ITGB4: variants seen among roughly 807,000 people sequenced by gnomAD.
ITGB4 encodes integrin subunit beta 4.
Under a neutral mutation model 207.6 loss-of-function variants are expected in ITGB4, and 159 were observed. That is an observed-to-expected ratio of 0.77 (90% CI 0.67 to 0.87). The LOEUF (loss-of-function observed/expected upper bound fraction) is 0.87, where lower values mean the gene tolerates loss of function less well. Among genes scored for constraint, ITGB4 ranks in the 40% least tolerant of loss-of-function variants. ITGB4 has a pLI of 0.00. For missense variants in ITGB4, 2,278 were observed against 2,546.8 expected (o/e 0.89, Z 2.27); for synonymous variants, 1,020 against 1,062.7 (o/e 0.96, Z 0.78).
At chr17:75,737,184 C>A in intron 16 of ITGB4, 138 bp from the exon 17 acceptor site, 1 of 1,122,288 alleles carries the variant, frequency 8.9e-7, no homozygotes, top group Non-Finnish European at 1.3e-6. Flanking sequence ...CACGGCTTTG[C>A]AAGGACTTCC....
At chr17:75,721,858 G>T (rs1373408057) in intron 1 of ITGB4, among the ~76,000 whole-genome samples, 1 of 152,226 alleles carries the variant, frequency 6.6e-6, no homozygotes, top group East Asian at 1.9e-4. Flanking sequence ...GTGCGCCTGC[G>T]GGAGAAGTGG....
intron 13 of ITGB4, among the ~76,000 whole-genome samples, chr17:75,734,358 A>G (rs1261012966): frequency 6.6e-6 from 1 of 150,624 alleles, no homozygotes; most frequent in Non-Finnish European, 1.5e-5. Flanking sequence ...CTGGTCTCGA[A>G]CTCCTGACCT....
intron 26 of ITGB4, among the ~76,000 whole-genome samples, chr17:75,747,877 TTTTG>T (rs952773966): frequency 5.3e-5 from 8 of 152,330 alleles, no homozygotes; most frequent in East Asian, 1.9e-4. Flanking sequence ...CTGGTTTGTT[TTTTG>T]TTTGTTTGTT....
At chr17:75,725,359 G>A (rs1037533788) in intron 2 of ITGB4, among the ~76,000 whole-genome samples, 5 of 152,134 alleles carry the variant, frequency 3.3e-5, no homozygotes, top group Non-Finnish European at 7.3e-5. Context: ...TGTCGTCCCG[G>A]TGAAATGCAG....
chr17:75,742,832 G>C lies in ITGB4; in HGVS notation c.2962+71G>C. On this transcript the variant is annotated intron_variant, in intron 25 of 39. Transcript: ENST00000200181. This position sits in a 1 kb window ranked among gnomAD's most constrained non-coding sequence, Gnocchi z 5.9. ...GGCACTGGTTCCTCCTGCTTAAGTG[G>C]AATTGCGACCTGGCCACGTGGCCTG... is the stretch of plus-strand genomic sequence containing the variant. 1.4e-6 allele frequency: 2 copies of C among 1,460,460 alleles called. No individual in the cohort carries two copies. Among genetic ancestry groups the C allele is most frequent in the South Asian group, 1.2e-5 (1 of 82,146 alleles). The allele number at this position is 1,460,460 out of a possible 1,614,324, so 90.5% of individuals were successfully genotyped here.
chr17:75,748,025 C>CT lies in ITGB4; in HGVS notation c.3112-811dup, dbSNP rs535424169. On this transcript the variant is annotated intron_variant, in intron 26 of 39. Coordinates refer to ENST00000200181, the MANE Select transcript of ITGB4 (RefSeq NM_000213.5). ...AGTGGTCTTCTATGTGAAGGATTTT[C>CT]TTTTTCCTCCCAGTTCTTATCCTGG... 2.6e-5 allele frequency among the ~76,000 whole-genome samples: 4 copies of CT among 152,140 alleles called. No homozygotes were observed. The South Asian group carries it at 8.3e-4, about 32-fold the overall frequency.
chr17:75,747,642 T>A (rs1469184771), intron 26 of ITGB4, among the ~76,000 whole-genome samples: 1 of 152,194 alleles, frequency 6.6e-6, no homozygotes, highest in Non-Finnish European at 1.5e-5. Flanking sequence ...TCTAGAAAAG[T>A]TTCCTGGCTT....
chr17:75,743,531 C>T (rs2061164120), intron 25 of ITGB4, among the ~76,000 whole-genome samples, 182 bp from the exon 26 acceptor site: 1 of 152,218 alleles, frequency 6.6e-6, no homozygotes, highest in African/African-American at 2.4e-5. Context: ...CTGCGCCCGG[C>T]CCCTCATCTT....
rs2061445733 is a variant in ITGB4, at chr17:75,754,667, C to A, written c.4410C>A (p.Gly1470=). ...RMTTTSAAAY[G]THLSPHVPHR... ...CCACGACCAGTGCTGCTGCCTATGG[C>A]ACCCACCTGAGCCCACACGTGCCCC... Residue 1470 remains glycine, a synonymous_variant, in exon 34 of 40, where the codon GGC becomes GGA. Transcript: ENST00000200181. 1 of 1,613,982 alleles carries A rather than the reference C, an allele frequency of 6.2e-7. No individual in the cohort carries two copies.
intron 33 of ITGB4, 42 bp from the exon 34 acceptor site, chr17:75,754,534 C>G: frequency 6.2e-7 from 1 of 1,612,238 alleles, no homozygotes; most frequent in Non-Finnish European, 8.5e-7. Context: ...GGGCCCGGGT[C>G]TGGGGCAGGC....
In ITGB4 at chr17:75,750,909, C is replaced by G. The variant is rs1262958422; in HGVS notation, c.3655+49C>G. 2 of 1,613,200 alleles carry G rather than the reference C, an allele frequency of 1.2e-6. No homozygotes were observed. The highest frequency in any genetic ancestry group is 1.7e-5 in the Admixed American group (1 of 60,006). On this transcript the variant is annotated intron_variant, in intron 29 of 39. Transcript: ENST00000200181. The surrounding 1 kb of genome is among the most constrained non-coding windows in gnomAD (Gnocchi z 5.5). ...ATTTGTCCCCTGGCTGCCCTGATGCCAGCATGCCCAGACCTCCCTCCCTCT... is the reference window on the plus strand; with the variant it reads ...ATTTGTCCCCTGGCTGCCCTGATGCGAGCATGCCCAGACCTCCCTCCCTCT...
rs2060972665 is a variant in ITGB4, at chr17:75,736,269, G to T, written c.1762-19G>T. 6.2e-7 allele frequency: 1 copy of T among 1,611,528 alleles called. No homozygotes were observed. Among genetic ancestry groups the T allele is most frequent in the South Asian group, 1.1e-5 (1 of 91,038 alleles). On this transcript the variant is annotated intron_variant, in intron 14 of 39. Transcript: ENST00000200181. ...GGGATGGGGCACAGCTGGCTCACTG[G>T]TGCCCCCTCCTACCCCAGGGCATCT...
Position 75,756,622 on chromosome 17 carries a change from G to C in ITGB4, c.4897+5G>C. ...GCCCACTGTGTCCCCTGCCAGGTGA[G>C]TTGCCTCCCCCAGCCCCAGAGCTGC... is the stretch of plus-strand genomic sequence containing the variant. On this transcript the variant is annotated splice_donor_5th_base_variant and intron_variant, in intron 36 of 39. Transcript: ENST00000200181. The C allele has an allele frequency of 6.2e-7, 1 of 1,612,748 alleles. No homozygotes were observed. The highest frequency in any genetic ancestry group is 8.5e-7 in the Non-Finnish European group (1 of 1,179,924).
At chr17:75,757,149 C>T in intron 38 of ITGB4, 42 bp downstream of exon 38, 1 of 1,612,758 alleles carries the variant, frequency 6.2e-7, no homozygotes, top group Non-Finnish European at 8.5e-7. Flanking sequence ...CCTCCTCGGG[C>T]CGTGCCTCCT....
At position 75,749,033 on chromosome 17, in the gene ITGB4, A is replaced by G. The variant is rs1178253522; in HGVS notation, c.3304A>G (p.Ile1102Val). ...LGQPHSTTII[I>V]RDPDELDRSF... ...CCAGCCCCACTCCACCACCATCATCATCAGGGACCCAGGTAGGCAGAGCCT... is the reference window on the plus strand; with the variant it reads ...CCAGCCCCACTCCACCACCATCATCGTCAGGGACCCAGGTAGGCAGAGCCT... Residue 1102 changes from isoleucine (I) to valine (V), a missense_variant, in exon 27 of 40, where the codon ATC (isoleucine) becomes GTC (valine). Transcript: ENST00000200181. 6.2e-7 allele frequency: 1 copy of G among 1,611,260 alleles called. No individual in the cohort carries two copies.
rs769766901 is a variant in ITGB4 at position 75,750,411 on chromosome 17, G to A, written c.3474+143G>A. On this transcript the variant is annotated intron_variant, in intron 28 of 39. Coordinates refer to ENST00000200181, the MANE Select transcript of ITGB4 (RefSeq NM_000213.5). The surrounding 1 kb of genome is among the most constrained non-coding windows in gnomAD (Gnocchi z 5.5). ...AGCACAGGTGGTCAGAGGGAAACCC[G>A]GTCTGTGCTGGGAAAGAGGGAAGAC... 1.2e-5 allele frequency: 11 copies of A among 915,432 alleles called. No homozygotes were observed. The highest frequency in any genetic ancestry group is 6.8e-5 in the South Asian group (4 of 59,008). The allele number at this position is 915,432 out of a possible 1,614,324, so 56.7% of individuals were successfully genotyped here.
In ITGB4 at chr17:75,754,827, C is replaced by CGG; in HGVS notation, c.4558+12_4558+13insGG. Reference sequence around the variant, plus strand: ...CGTCTCCTCCCACGGTGAGTGACCTCAGCCAACCCTGCCTCTCCCACTAAC... The same window carrying CGG: ...CGTCTCCTCCCACGGTGAGTGACCTCGGAGCCAACCCTGCCTCTCCCACTAAC... On this transcript the variant is annotated intron_variant, in intron 34 of 39. Transcript: ENST00000200181. The CGG allele has an allele frequency of 6.2e-7, 1 of 1,613,790 alleles. No individual in the cohort carries two copies. Among genetic ancestry groups the CGG allele is most frequent in the African/African-American group, 1.3e-5 (1 of 74,926 alleles).
In ITGB4 at chr17:75,756,549, G is replaced by A. The variant is rs886053417; in HGVS notation, c.4829G>A (p.Arg1610Gln). ...GCCCAGAGCCAGGAAGGCTGGGGCC[G>A]AGAGCGTGAGGGTGTCATCACCATT... ...VRAQSQEGWGREREGVITIES... is the reference protein window; with the variant it reads ...VRAQSQEGWGQEREGVITIES... Residue 1610 changes from arginine (R) to glutamine (Q), a missense_variant, in exon 36 of 40, where the codon CGA (arginine) becomes CAA (glutamine). By Grantham distance (43) the Arg-to-Gln change is conservative. Transcript: ENST00000200181. 3 of 1,613,202 alleles carry A rather than the reference G, an allele frequency of 1.9e-6. No homozygotes were observed. Among genetic ancestry groups the A allele is most frequent in the Non-Finnish European group, 2.5e-6 (3 of 1,179,996 alleles).
intron 12 of ITGB4, among the ~76,000 whole-genome samples, chr17:75,733,073 G>A (rs1417193297): frequency 7.1e-6 from 1 of 140,342 alleles, no homozygotes; most frequent in African/African-American, 2.7e-5. Flanking sequence ...CAAGAAGAGC[G>A]AAACTCTGTC....
Sources: allele counts gnomAD v4.1 joint callset (sites outside exome capture counted in the v4.1 genomes callset), GRCh38; gene constraint gnomAD v4.1.1; non-coding constraint Gnocchi (gnomAD v3.1); transcripts MANE v1.5; gene names NCBI Gene and HGNC (gene_info 2026-07-23, HGNC 2026-07-21).